Variants in DPP10 observed in about 807,000 individuals in gnomAD.
The protein encoded by DPP10 is dipeptidyl peptidase like 10.
DPP10 carries 33 observed loss-of-function variants against 120.9 expected under a neutral mutation model. The observed-to-expected ratio is 0.27, with a 90% confidence interval of 0.21 to 0.37. DPP10 has a LOEUF of 0.37. DPP10 is among the 10% of genes least tolerant of loss of function. The probability of loss-of-function intolerance (pLI) is 1.00; values close to 1 mark genes in which losing one functional copy is unlikely to be tolerated. For missense variants in DPP10, 816 were observed against 942.8 expected (o/e 0.87, Z 1.76); for synonymous variants, 337 against 326.1 (o/e 1.03, Z -0.36).
intron 1 of DPP10, among the ~76,000 whole-genome samples, chr2:114,892,401 G>T (rs1487230230): frequency 6.6e-6 from 1 of 152,150 alleles, no homozygotes; most frequent in East Asian, 1.9e-4. Context: ...GGAGAACTGA[G>T]AAACAACAAA....
intron 1 of DPP10, among the ~76,000 whole-genome samples, chr2:115,285,498 C>T (rs1394846463): frequency 1.3e-5 from 2 of 152,024 alleles, no homozygotes; most frequent in African/African-American, 4.8e-5. Flanking sequence ...GCAAGTTACA[C>T]CGGTGACCTT....
Position 115,814,833 on chromosome 2 carries a change from C to G in DPP10, c.1741C>G (p.His581Asp). 2.5e-6 allele frequency: 4 copies of G among 1,592,046 alleles called. No homozygotes were observed. Among genetic ancestry groups the G allele is most frequent in the Non-Finnish European group, 3.4e-6 (4 of 1,164,236 alleles). Residue 581 changes from histidine to aspartate, a missense_variant, in exon 20 of 26, where the codon CAT becomes GAT. This residue lies in a region of DPP10 where 592 missense variants were observed against 649.0 expected (regional missense o/e 0.91). Transcript: ENST00000410059. ...AGGCCAGCTGGTTACAGATAAGTTC[C>G]ATATTGACTGGGATTCCGTACTCAT... ...PGGQLVTDKF[H>D]IDWDSVLIDM...
chr2:115,759,734 G>C lies in DPP10; in HGVS notation c.1075-2838G>C, dbSNP rs558940288. On this transcript the variant is annotated intron_variant, in intron 11 of 25. Coordinates refer to ENST00000410059, the MANE Select transcript of DPP10 (RefSeq NM_020868.6). Reference sequence around the variant, plus strand: ...ATATATAAAAACACATTATAGGCTGGGCACGGTGGCTCATGCCTGTAATCC... The same window carrying C: ...ATATATAAAAACACATTATAGGCTGCGCACGGTGGCTCATGCCTGTAATCC... 1.5e-4 allele frequency among the ~76,000 whole-genome samples: 22 copies of C among 151,686 alleles called. No homozygotes were observed. In the South Asian group the frequency reaches 4.4e-3, roughly 30 times the overall value.
At position 115,449,573 on chromosome 2, in the gene DPP10, G is replaced by A. The variant is rs2072931218; in HGVS notation, c.272-49937G>A. On this transcript the variant is annotated intron_variant, in intron 3 of 25. Coordinates refer to ENST00000410059, the MANE Select transcript of DPP10 (RefSeq NM_020868.6). The stretch of plus-strand genomic sequence containing the variant: ...AGCATTAGTGACTTTATCATGATGA[G>A]CATCAGATTTAGGATCCTGTAATGA... Among the ~76,000 whole-genome samples the A allele has an allele frequency of 2.0e-5, 3 of 152,176 alleles. No individual in the cohort carries two copies. In the Middle Eastern group the frequency reaches 0.01, roughly 518 times the overall value.
intron 5 of DPP10, among the ~76,000 whole-genome samples, chr2:115,595,373 C>T (rs2082923966): frequency 6.6e-6 from 1 of 152,016 alleles, no homozygotes; most frequent in Non-Finnish European, 1.5e-5. Context: ...AATGCTAAAG[C>T]TTATTTCAAT....
intron 1 of DPP10, among the ~76,000 whole-genome samples, chr2:115,265,505 A>G (rs563997957): frequency 1.3e-5 from 2 of 152,210 alleles, no homozygotes; most frequent in Admixed American, 1.3e-4. Flanking sequence ...CACTAAATAC[A>G]TACATATACA....
chr2:114,634,323 T>A (rs1421908357), intron 1 of DPP10, among the ~76,000 whole-genome samples: 1 of 151,940 alleles, frequency 6.6e-6, no homozygotes, highest in African/African-American at 2.4e-5. Context: ...CTCATTCCTA[T>A]CCTGTCCTTT....
intron 1 of DPP10, among the ~76,000 whole-genome samples, chr2:114,799,084 G>A (rs903257430): frequency 2.6e-5 from 4 of 152,240 alleles, no homozygotes; most frequent in Non-Finnish European, 1.5e-5. Context: ...AGTCGAGATC[G>A]TGCCATTGCA....
intron 3 of DPP10, among the ~76,000 whole-genome samples, chr2:115,345,927 T>C (rs1299272309): frequency 1.3e-5 from 2 of 152,162 alleles, no homozygotes; most frequent in Non-Finnish European, 2.9e-5. Context: ...AGTGTTATTA[T>C]AATGTTCTAA....
At chr2:114,539,650 C>T (rs78874871) in intron 1 of DPP10, among the ~76,000 whole-genome samples, 20,510 of 152,122 alleles carry the variant, frequency 0.13, 1,801 homozygotes, top group Admixed American at 0.25. Flanking sequence ...GTTCCATGCA[C>T]GTAGAGAGCA....
chr2:114,920,003 C>G (rs922373646), intron 1 of DPP10, among the ~76,000 whole-genome samples: 4 of 152,086 alleles, frequency 2.6e-5, no homozygotes, highest in Non-Finnish European at 4.4e-5. Flanking sequence ...GCAGTGACTC[C>G]TCTTATTTAG....
chr2:115,362,802 C>T (rs2064866211), intron 3 of DPP10, among the ~76,000 whole-genome samples: 2 of 152,178 alleles, frequency 1.3e-5, no homozygotes, highest in Admixed American at 1.3e-4. Flanking sequence ...GGAATGGTGT[C>T]AGCTTTCACA....
chr2:115,128,939 C>G (rs865858140), intron 1 of DPP10, among the ~76,000 whole-genome samples: 1 of 152,130 alleles, frequency 6.6e-6, no homozygotes, highest in African/African-American at 2.4e-5. Flanking sequence ...AGGGGAGTAA[C>G]AATACATTGT....
intron 1 of DPP10, among the ~76,000 whole-genome samples, chr2:115,242,752 C>T (rs1191283594): frequency 6.6e-6 from 1 of 151,450 alleles, no homozygotes; most frequent in Non-Finnish European, 1.5e-5. Context: ...TGGCGTTTCC[C>T]TGGTCATTAG....
At chr2:115,096,089 C>T (rs1709720195) in intron 1 of DPP10, among the ~76,000 whole-genome samples, 3 of 152,036 alleles carry the variant, frequency 2.0e-5, no homozygotes, top group Admixed American at 2.0e-4. Flanking sequence ...ACCCAAGGTA[C>T]ACATGTATGT....
chr2:115,738,404 C>T (rs563705545), intron 8 of DPP10, among the ~76,000 whole-genome samples: 3 of 152,050 alleles, frequency 2.0e-5, no homozygotes, highest in Non-Finnish European at 4.4e-5. Context: ...GTTTCCTAAT[C>T]TTTACATCAT....
chr2:114,601,742 C>T (rs1692384322), intron 1 of DPP10, among the ~76,000 whole-genome samples: 1 of 151,932 alleles, frequency 6.6e-6, no homozygotes, highest in Non-Finnish European at 1.5e-5. Context: ...CACACTACAG[C>T]TGCAGTTTTA....
intron 1 of DPP10, among the ~76,000 whole-genome samples, chr2:114,848,372 A>G (rs2106476455): frequency 6.6e-6 from 1 of 152,232 alleles, no homozygotes; most frequent in East Asian, 1.9e-4. Flanking sequence ...ACTTAAAACT[A>G]CTCTACAGGG....
intron 1 of DPP10, among the ~76,000 whole-genome samples, chr2:114,839,716 T>A (rs1424626674): frequency 6.6e-6 from 1 of 152,200 alleles, no homozygotes; most frequent in Non-Finnish European, 1.5e-5. Context: ...CTTTTCTCTT[T>A]GTACTTAGAT....
Sources: allele counts gnomAD v4.1 joint callset (sites outside exome capture counted in the v4.1 genomes callset), GRCh38; gene constraint gnomAD v4.1.1; regional missense constraint gnomAD v4.1.1; transcripts MANE v1.5; gene names NCBI Gene and HGNC (gene_info 2026-07-23, HGNC 2026-07-21).